The following SIM1 variants were observed in gnomAD, a reference collection of about 807,000 sequenced individuals.
SIM1 encodes the protein SIM bHLH transcription factor 1.
In SIM1, 18 loss-of-function variants were observed where a neutral mutation model predicts 78.2. That is an observed-to-expected ratio of 0.23 (90% confidence interval 0.16 to 0.34). The LOEUF (loss-of-function observed/expected upper bound fraction) is 0.34, where lower values mean the gene tolerates loss of function less well. Ranked by LOEUF, SIM1 falls within the 10% of genes least tolerant of loss-of-function variation. The pLI is 1.00. For missense variants in SIM1, 939 were observed against 975.1 expected, an observed-to-expected ratio of 0.96 and a Z score of 0.49; for synonymous variants, 417 against 385.2, an observed-to-expected ratio of 1.08 and a Z score of -0.97.
chr6:100,438,922 G>GA (rs1772132908), intron 9 of SIM1, among the ~76,000 whole-genome samples: 1 of 152,118 alleles, frequency 6.6e-6, no homozygotes, highest in South Asian at 2.1e-4. Flanking sequence ...AAGACCCAAA[G>GA]GCATAAGAAT....
intron 3 of SIM1, among the ~76,000 whole-genome samples, chr6:100,451,214 G>A (rs1228920803): frequency 2.0e-5 from 3 of 152,196 alleles, no homozygotes; most frequent in Non-Finnish European, 4.4e-5. Flanking sequence ...AGTGACCGGA[G>A]GCCTGGGGGA....
At chr6:100,429,337 C>A (rs553654592) in intron 9 of SIM1, among the ~76,000 whole-genome samples, 1 of 149,404 alleles carries the variant, frequency 6.7e-6, no homozygotes, top group African/African-American at 2.5e-5. Flanking sequence ...CCACTGCACT[C>A]CAGCTGGGAG....
intron 10 of SIM1, among the ~76,000 whole-genome samples, chr6:100,397,377 C>A (rs1770793967): frequency 6.6e-6 from 1 of 152,114 alleles, no homozygotes; most frequent in Non-Finnish European, 1.5e-5. Flanking sequence ...GAAAATGTGA[C>A]AAACTTCAAA....
At chr6:100,457,344 G>A (rs185394080) in intron 2 of SIM1, among the ~76,000 whole-genome samples, 1 of 152,202 alleles carries the variant, frequency 6.6e-6, no homozygotes, top group African/African-American at 2.4e-5. Flanking sequence ...GGAGGGTGGC[G>A]GAGGCCCTGT....
intron 10 of SIM1, among the ~76,000 whole-genome samples, chr6:100,413,827 G>A (rs774235751): frequency 1.3e-5 from 2 of 152,160 alleles, no homozygotes; most frequent in Non-Finnish European, 2.9e-5. Context: ...TAATGGCTTA[G>A]ATAAACTGCA....
chr6:100,457,485 G>C (rs941630051), intron 2 of SIM1, among the ~76,000 whole-genome samples: 3 of 152,124 alleles, frequency 2.0e-5, no homozygotes, highest in African/African-American at 7.2e-5. Flanking sequence ...GTCTGGCCCA[G>C]GGGGTAATCC....
chr6:100,397,708 A>G (rs1770801964), intron 10 of SIM1, among the ~76,000 whole-genome samples: 1 of 152,124 alleles, frequency 6.6e-6, no homozygotes, highest in Non-Finnish European at 1.5e-5. Flanking sequence ...TTTTGCTCCA[A>G]AAAAGACCCC....
intron 2 of SIM1, among the ~76,000 whole-genome samples, chr6:100,460,155 C>T (rs1772803579): frequency 6.6e-6 from 1 of 152,056 alleles, no homozygotes; most frequent in Non-Finnish European, 1.5e-5. Context: ...CTCCCACTCC[C>T]CCATTTTCAC....
intron 10 of SIM1, among the ~76,000 whole-genome samples, chr6:100,409,110 T>C (rs1771128119): frequency 6.6e-6 from 1 of 151,984 alleles, no homozygotes; most frequent in African/African-American, 2.4e-5. Flanking sequence ...CAGATTTTCT[T>C]TTTTTTTACA....
intron 2 of SIM1, among the ~76,000 whole-genome samples, chr6:100,457,611 G>T (rs747147721): frequency 6.6e-6 from 1 of 152,218 alleles, no homozygotes; most frequent in African/African-American, 2.4e-5. Context: ...GCCTCCGGGC[G>T]CCTCCGCAGC....
intron 4 of SIM1, 105 bp from the exon 5 acceptor site, chr6:100,449,804 A>T (rs1772464026): frequency 1.0e-5 from 9 of 895,792 alleles, no homozygotes; most frequent in Non-Finnish European, 1.6e-5. Flanking sequence ...CAGCAGCCAG[A>T]ATTCTGGAAT....
intron 10 of SIM1, among the ~76,000 whole-genome samples, chr6:100,398,377 A>T (rs920851083): frequency 7.9e-5 from 12 of 152,146 alleles, no homozygotes; most frequent in Non-Finnish European, 7.4e-5. Context: ...ATTCATTTCC[A>T]GAACTCTTCA....
At chr6:100,447,102 G>T (rs901458481) in intron 9 of SIM1, among the ~76,000 whole-genome samples, 166 bp downstream of exon 9, 1 of 152,238 alleles carries the variant, frequency 6.6e-6, no homozygotes, top group Non-Finnish European at 1.5e-5. Context: ...TCTTCAAAAA[G>T]ATGAAAGTGT....
intron 9 of SIM1, among the ~76,000 whole-genome samples, chr6:100,441,816 G>A (rs1772225000): frequency 6.6e-6 from 1 of 152,182 alleles, no homozygotes; most frequent in African/African-American, 2.4e-5. Flanking sequence ...ACCACAAAGA[G>A]GCAGCTTCTT....
chr6:100,397,559 A>T (rs1388104021), intron 10 of SIM1, among the ~76,000 whole-genome samples: 1 of 152,204 alleles, frequency 6.6e-6, no homozygotes, highest in Non-Finnish European at 1.5e-5. Flanking sequence ...AAAACCTAAG[A>T]TTATAAAGCT....
chr6:100,456,968 A>G (rs1488821104), intron 2 of SIM1, among the ~76,000 whole-genome samples: 1 of 152,222 alleles, frequency 6.6e-6, no homozygotes, highest in Admixed American at 6.5e-5. Flanking sequence ...TAGATCCACT[A>G]AAATTGACCT....
In SIM1 at chr6:100,390,787, G is replaced by A. The variant is rs1180910746; in HGVS notation, c.1875C>T (p.Ala625=). The A allele has an allele frequency of 6.2e-7, 1 of 1,614,128 alleles. No individual in the cohort carries two copies. The highest frequency in any genetic ancestry group is 1.7e-5 in the Admixed American group (1 of 60,026). Residue 625 remains alanine, a synonymous_variant, in exon 12 of 12, where the codon GCC becomes GCT. Coordinates refer to ENST00000369208, the MANE Select transcript of SIM1 (RefSeq NM_005068.3). ...GGATATGGTCACATGGTGAAGTGTT[G>A]GCAAGAGCAGAGCCATGGCAGACTT... The part of the protein sequence containing the change: ...TGEVCHGSAL[A]NTSPCDHIQQ...
intron 2 of SIM1, among the ~76,000 whole-genome samples, chr6:100,461,064 G>A (rs1298758175): frequency 1.3e-5 from 2 of 151,850 alleles, no homozygotes; most frequent in Non-Finnish European, 2.9e-5. Context: ...GGGAGAGAAA[G>A]GAGGGGTCCG....
chr6:100,448,504 T>C lies in SIM1; in HGVS notation c.718A>G (p.Met240Val). The C allele has an allele frequency of 6.2e-7, 1 of 1,614,030 alleles. No individual in the cohort carries two copies. The highest frequency in any genetic ancestry group is 8.5e-7 in the Non-Finnish European group (1 of 1,180,022). ...CTGGAGTCCAGAAAGATGAGCTTCA[T>C]GTCCAGGCTGGCGCGGAACATAAAC... ...NMFMFRASLD[M>V]KLIFLDSRVA... is the part of the protein sequence containing the mutation. Residue 240 changes from methionine (M) to valine (V), a missense_variant, in exon 7 of 12, where the codon ATG (methionine) becomes GTG (valine). Met to Val is a conservative substitution (Grantham distance 21). Around this residue, in one of 5 missense-constraint regions of SIM1, gnomAD observed 187 missense variants for 191.6 expected, o/e 0.98. Coordinates refer to ENST00000369208, the MANE Select transcript of SIM1 (RefSeq NM_005068.3).
Sources: allele counts gnomAD v4.1 joint callset (sites outside exome capture counted in the v4.1 genomes callset), GRCh38; gene constraint gnomAD v4.1.1; regional missense constraint gnomAD v4.1.1; transcripts MANE v1.5; gene names NCBI Gene and HGNC (gene_info 2026-07-23, HGNC 2026-07-21).